The following AKAP10 variants were observed in gnomAD, a reference collection of about 807,000 sequenced individuals.
AKAP10 encodes A-kinase anchor protein 10, mitochondrial.
In AKAP10, 24 loss-of-function variants were observed where a neutral mutation model predicts 80.8. The ratio of observed to expected loss-of-function variants is 0.30; its 90% confidence interval spans 0.22 to 0.42. The LOEUF (loss-of-function observed/expected upper bound fraction) is 0.42, where lower values mean the gene tolerates loss of function less well. AKAP10 is among the 10% of genes least tolerant of loss of function. AKAP10 has a pLI of 1.00. For synonymous variants in AKAP10, 291 were observed against 277.7 expected (o/e 1.05, Z -0.48); for missense variants, 661 against 794.9 (o/e 0.83, Z 2.03).
At chr17:19,912,112 C>G (rs1597487586) in intron 12 of AKAP10, among the ~76,000 whole-genome samples, 1 of 151,920 alleles carries the variant, frequency 6.6e-6, no homozygotes, top group East Asian at 1.9e-4. Context: ...TCTCAGAAGG[C>G]TCTTTTCAAA....
chr17:19,917,677 G>GT (rs2042760667), intron 12 of AKAP10, among the ~76,000 whole-genome samples: 1 of 152,178 alleles, frequency 6.6e-6, no homozygotes. Flanking sequence ...GCTCACGCCT[G>GT]TAAGCCCAGT....
intron 1 of AKAP10, among the ~76,000 whole-genome samples, chr17:19,973,665 A>C (rs2043527476): frequency 6.6e-6 from 1 of 152,238 alleles, no homozygotes; most frequent in Non-Finnish European, 1.5e-5. Flanking sequence ...TCTTTATAAA[A>C]CCAGCTCCCT....
chr17:19,970,628 G>C (rs774086498), intron 1 of AKAP10, among the ~76,000 whole-genome samples: 1 of 152,132 alleles, frequency 6.6e-6, no homozygotes, highest in Non-Finnish European at 1.5e-5. Flanking sequence ...TTCGAGACCA[G>C]CCTTGCCAAC....
chr17:19,914,696 C>T (rs1224601255), intron 12 of AKAP10, among the ~76,000 whole-genome samples: 1 of 142,574 alleles, frequency 7.0e-6, no homozygotes, highest in African/African-American at 2.6e-5. Flanking sequence ...GTGGTATATA[C>T]AAAGGATTTT....
chr17:19,954,297 A>T (rs2152417045), intron 4 of AKAP10, among the ~76,000 whole-genome samples: 1 of 152,330 alleles, frequency 6.6e-6, no homozygotes, highest in South Asian at 2.1e-4. Flanking sequence ...ACAGGCCTAG[A>T]CAAATATGGC....
At chr17:19,931,732 G>T in intron 10 of AKAP10, 73 bp downstream of exon 10, 2 of 1,464,062 alleles carry the variant, frequency 1.4e-6, no homozygotes, top group East Asian at 2.4e-5. Context: ...CAAATAATAG[G>T]ATCTGTTACT....
chr17:19,944,617 T>A (rs1035515364), intron 5 of AKAP10, among the ~76,000 whole-genome samples: 4 of 152,302 alleles, frequency 2.6e-5, no homozygotes, highest in Non-Finnish European at 5.9e-5. Flanking sequence ...ATCACGCCAC[T>A]GCACTCCAGC....
chr17:19,976,630 C>CT (rs1373660276), intron 1 of AKAP10, among the ~76,000 whole-genome samples: 1 of 151,996 alleles, frequency 6.6e-6, no homozygotes, highest in Non-Finnish European at 1.5e-5. Context: ...AGCGATTCTC[C>CT]TGCTTCAGCC....
chr17:19,977,588 C>CT lies in AKAP10; in HGVS notation c.88+3dup. 2 of 1,233,964 alleles carry CT rather than the reference C, an allele frequency of 1.6e-6. No homozygotes were observed. The allele number at this position is 1,233,964 out of a possible 1,614,324, so 76.4% of individuals were successfully genotyped here. On this transcript the variant is annotated splice_donor_region_variant and intron_variant, in intron 1 of 14. Coordinates refer to ENST00000225737, the MANE Select transcript of AKAP10 (RefSeq NM_007202.4). The stretch of plus-strand genomic sequence containing the variant: ...TGACTCCCCGCCGGCGCCCCCTCAG[C>CT]TACCTTTCCGCCGGAAGAAGGACAT...
At chr17:19,950,806 C>T (rs1235957361) in intron 4 of AKAP10, among the ~76,000 whole-genome samples, 2 of 151,772 alleles carry the variant, frequency 1.3e-5, no homozygotes, top group Non-Finnish European at 2.9e-5. Context: ...TGACCGGCCG[C>T]CCCGTCTGGG....
At chr17:19,971,638 C>T (rs949740164) in intron 1 of AKAP10, among the ~76,000 whole-genome samples, 9 of 152,132 alleles carry the variant, frequency 5.9e-5, no homozygotes, top group Non-Finnish European at 8.8e-5. Context: ...TTCATTTTAG[C>T]TACTTAATTG....
Position 19,905,979 on chromosome 17 carries a change from T to C in AKAP10, c.*248A>G, listed in dbSNP as rs2152408671. On this transcript the variant is annotated 3_prime_UTR_variant, in exon 15 of 15. Coordinates refer to ENST00000225737, the MANE Select transcript of AKAP10 (RefSeq NM_007202.4). ...TGCCATTGGAAAACTAATAATTTTC[T>C]AGTAATGTAAACAATACCATTTTGT... 1 of 496,894 alleles carries C rather than the reference T, an allele frequency of 2.0e-6. No individual in the cohort carries two copies. Among genetic ancestry groups the C allele is most frequent in the East Asian group, 3.1e-5 (1 of 32,346 alleles). The allele number at this position is 496,894 out of a possible 1,614,324, so 30.8% of individuals were successfully genotyped here. A position where few individuals can be genotyped will look rare whatever the true frequency, so the allele number is the denominator to read the frequency against.
chr17:19,962,925 G>A lies in AKAP10; in HGVS notation c.234C>T (p.Ala78=). The A allele has an allele frequency of 6.2e-7, 1 of 1,614,020 alleles. No homozygotes were observed. The highest frequency in any genetic ancestry group is 1.1e-5 in the South Asian group (1 of 91,086). ...PSHVAINAIS[A]NMDSFSSSRT... is the part of the protein sequence containing the mutation. ...TGCTACTTGAAAAGGAGTCCATGTT[G>A]GCAGAAATGGCATTGATTGCAACAT... is the stretch of plus-strand genomic sequence containing the variant. The change falls in exon 3 of 15, where the codon GCC becomes GCT. Residue 78 remains alanine (A), a synonymous_variant. Transcript: ENST00000225737.
At chr17:19,963,756 T>C (rs2043382234) in intron 2 of AKAP10, among the ~76,000 whole-genome samples, 1 of 151,748 alleles carries the variant, frequency 6.6e-6, no homozygotes, top group South Asian at 2.1e-4. Context: ...ATTAGCTGGG[T>C]GTGGGGGCAG....
chr17:19,969,300 G>A (rs1472827479), intron 1 of AKAP10, among the ~76,000 whole-genome samples: 6 of 152,114 alleles, frequency 3.9e-5, no homozygotes, highest in Admixed American at 2.0e-4. Flanking sequence ...AGCCGAGATC[G>A]CGACACTGTA....
intron 12 of AKAP10, among the ~76,000 whole-genome samples, chr17:19,910,916 G>C (rs2042683243): frequency 6.6e-6 from 1 of 152,152 alleles, no homozygotes; most frequent in Non-Finnish European, 1.5e-5. Flanking sequence ...AAGTAGGCCA[G>C]CCTCTATTTC....
chr17:19,946,276 T>TATATATATATATA (rs1491441373), intron 5 of AKAP10, among the ~76,000 whole-genome samples: 3 of 10,808 alleles, frequency 2.8e-4, no homozygotes, highest in Non-Finnish European at 3.4e-4. Context: ...TATATATATA[T>TATATATATATATA]TTTTTTTTTT....
At chr17:19,924,379 T>G (rs2042851572) in intron 11 of AKAP10, 29 bp downstream of exon 11, 1 of 1,462,938 alleles carries the variant, frequency 6.8e-7, no homozygotes, top group African/African-American at 1.4e-5. Context: ...TTTACACTTG[T>G]AAAAATTCTA....
chr17:19,932,085 AC>A lies in AKAP10; in HGVS notation c.1468-108del, dbSNP rs1044777096. ...ATTCTACTGGTTACAAATGTTAACT[AC>A]CTATAACAAATGTTTTTACTTCTTG... On this transcript the variant is annotated intron_variant, in intron 9 of 14. Coordinates refer to ENST00000225737, the MANE Select transcript of AKAP10 (RefSeq NM_007202.4). 3 of 1,001,598 alleles carry A rather than the reference AC, an allele frequency of 3.0e-6. No individual in the cohort carries two copies. In the African/African-American group the frequency reaches 4.9e-5, roughly 16 times the overall value. 62.0% of individuals were successfully genotyped at this position (1,001,598 alleles called of 1,614,324 possible).
Sources: gnomAD v4.1 joint callset for allele counts (sites outside exome capture counted in the v4.1 genomes callset) on GRCh38, gnomAD v4.1.1 for gene constraint, MANE v1.5 for transcripts, NCBI Gene and HGNC (gene_info 2026-07-23, HGNC 2026-07-21) for gene names.